The following NIPAL3 variants were observed in gnomAD, a reference collection of about 807,000 sequenced individuals.
The protein encoded by NIPAL3 is NIPA like domain containing 3.
Under a neutral mutation model 47.2 loss-of-function variants are expected in NIPAL3, and 41 were observed. That is an observed-to-expected ratio of 0.87 (90% CI 0.68 to 1.13). NIPAL3 has a LOEUF of 1.13. Ranked by LOEUF, NIPAL3 falls within the 50% of genes most tolerant of loss-of-function variation. NIPAL3 has a pLI of 0.00. For synonymous variants in NIPAL3, 194 were observed against 209.6 expected, an observed-to-expected ratio of 0.93 and a Z score of 0.64; for missense variants, 449 against 530.1, an observed-to-expected ratio of 0.85 and a Z score of 1.50.
At chr1:24,436,289 T>C (rs1373400393) in intron 2 of NIPAL3, among the ~76,000 whole-genome samples, 1 of 152,028 alleles carries the variant, frequency 6.6e-6, no homozygotes, top group Non-Finnish European at 1.5e-5. Flanking sequence ...AGGCTTTTCT[T>C]GGGGCTTTTG....
In NIPAL3 at chr1:24,456,116, C is replaced by T. The variant is rs757882756; in HGVS notation, c.638-22C>T. ...CTGCATTTCCCTGAGGCTCCCCATT[C>T]GCCCTTGTCTCCCATCTGCAGGCTC... On this transcript the variant is annotated intron_variant, in intron 7 of 11. Transcript: ENST00000374399. 3.7e-6 allele frequency: 6 copies of T among 1,613,692 alleles called. No individual in the cohort carries two copies. In the African/African-American group the frequency reaches 5.3e-5, roughly 14 times the overall value.
chr1:24,419,664 G>A (rs771551575), intron 2 of NIPAL3, 24 bp downstream of exon 2: 8 of 1,605,526 alleles, frequency 5.0e-6, no homozygotes, highest in South Asian at 2.2e-5. Flanking sequence ...TGGGGTTTGG[G>A]AATTTGTATT....
At position 24,449,372 on chromosome 1, in the gene NIPAL3, C is replaced by A; in HGVS notation, c.395-109C>A. On this transcript the variant is annotated intron_variant, in intron 5 of 11. Coordinates refer to ENST00000374399, the MANE Select transcript of NIPAL3 (RefSeq NM_020448.5). The surrounding 1 kb of genome is among the most constrained non-coding windows in gnomAD (Gnocchi z 4.5). ...GAAAAACCAAAAATACAAACAATAC[C>A]AGGTCATGGTATGTTGCAGGAGAAG... 9.1e-7 allele frequency: 1 copy of A among 1,102,660 alleles called. No individual in the cohort carries two copies. Among genetic ancestry groups the A allele is most frequent in the East Asian group, 2.6e-5 (1 of 37,824 alleles). The allele number at this position is 1,102,660 out of a possible 1,614,324, so 68.3% of individuals were successfully genotyped here. A position where few individuals can be genotyped will look rare whatever the true frequency, so the allele number is the denominator to read the frequency against.
At chr1:24,437,068 G>A (rs1336467186) in intron 2 of NIPAL3, among the ~76,000 whole-genome samples, 2 of 151,972 alleles carry the variant, frequency 1.3e-5, no homozygotes, top group Non-Finnish European at 2.9e-5. Flanking sequence ...TGGATAACAC[G>A]GTGAAACCCA....
intron 2 of NIPAL3, among the ~76,000 whole-genome samples, chr1:24,423,914 G>A (rs1469178219): frequency 6.6e-6 from 1 of 152,124 alleles, no homozygotes; most frequent in Non-Finnish European, 1.5e-5. Context: ...GCTCTGGATT[G>A]GTTAGTTAGC....
chr1:24,438,074 T>C (rs1257876403), intron 2 of NIPAL3, among the ~76,000 whole-genome samples: 2 of 152,110 alleles, frequency 1.3e-5, no homozygotes, highest in Non-Finnish European at 2.9e-5. Flanking sequence ...AGAGGATGCA[T>C]TGCCTTTAAC....
At chr1:24,417,682 C>A (rs922329872) in intron 1 of NIPAL3, among the ~76,000 whole-genome samples, 1 of 152,190 alleles carries the variant, frequency 6.6e-6, no homozygotes, top group Non-Finnish European at 1.5e-5. Flanking sequence ...AAAGTGAAAC[C>A]AAGCCAAATG....
At chr1:24,415,342 G>C (rs1377074376), upstream of NIPAL3, 1 of 152,280 alleles carries the variant, frequency 6.6e-6, no homozygotes, top group Non-Finnish European at 1.5e-5. Flanking sequence ...GCTCTGGGGA[G>C]CGCTGGGTCT....
intron 4 of NIPAL3, among the ~76,000 whole-genome samples, chr1:24,443,424 A>T (rs1645494508): frequency 6.6e-6 from 1 of 152,142 alleles, no homozygotes; most frequent in South Asian, 2.1e-4. Context: ...TTCCTCCTTG[A>T]GTTAAGAGGT....
In NIPAL3 at chr1:24,440,197, C is replaced by T. The variant is rs143586098; in HGVS notation, c.119C>T (p.Ala40Val). Residue 40 changes from alanine (A) to valine (V), a missense_variant, in exon 3 of 12, where the codon GCG becomes GTG. Transcript: ENST00000374399. Reference protein sequence around the residue: ...YKENLIGALLAIFGHLVVSIA... With the variant: ...YKENLIGALLVIFGHLVVSIA... ...GAAAACCTGATTGGCGCCCTCTTGG[C>T]GATCTTCGGGCACCTCGTGGTCAGC... The T allele has an allele frequency of 8.2e-6, 13 of 1,592,812 alleles. No individual in the cohort carries two copies. Among genetic ancestry groups the T allele is most frequent in the African/African-American group, 6.8e-5 (5 of 74,050 alleles).
At chr1:24,430,996 T>G (rs778162624) in intron 2 of NIPAL3, among the ~76,000 whole-genome samples, 2 of 152,250 alleles carry the variant, frequency 1.3e-5, no homozygotes, top group African/African-American at 4.8e-5. Flanking sequence ...AGCAGGAAAT[T>G]TAGCTCATTC....
chr1:24,455,480 G>C (rs1438717753), intron 7 of NIPAL3, among the ~76,000 whole-genome samples: 1 of 152,172 alleles, frequency 6.6e-6, no homozygotes, highest in African/African-American at 2.4e-5. Context: ...TTGCACATAT[G>C]CACAGGGGTG....
intron 6 of NIPAL3, among the ~76,000 whole-genome samples, chr1:24,450,027 G>GA (rs1645863006): frequency 6.6e-6 from 1 of 152,104 alleles, no homozygotes; most frequent in South Asian, 2.1e-4. Flanking sequence ...CTCCTCAAGT[G>GA]CCCCCCAGCA....
rs117120692 is a variant in NIPAL3 at position 24,426,227 on chromosome 1, G to A, written c.93+6587G>A. ...AGACTGCAGCATGGGTAGAGTGACC[G>A]TGGTCCCGGTTTGTGCCTTATGCCT... On this transcript the variant is annotated intron_variant, in intron 2 of 11. Transcript: ENST00000374399. 1.1e-3 allele frequency among the ~76,000 whole-genome samples: 167 copies of A among 152,078 alleles called. No homozygotes were observed. The Middle Eastern group carries it at 0.014, about 12-fold the overall frequency.
chr1:24,472,659 T>C lies in NIPAL3; in HGVS notation c.*3474T>C, dbSNP rs1416541450. 6.6e-6 allele frequency: 1 copy of C among 152,144 alleles called. No homozygotes were observed. Among genetic ancestry groups the C allele is most frequent in the African/African-American group, 2.4e-5 (1 of 41,436 alleles). 9.4% of individuals were successfully genotyped at this position (152,144 alleles called of 1,614,324 possible). A position where few individuals can be genotyped will look rare whatever the true frequency, so the allele number is the denominator to read the frequency against. Reference sequence around the variant, plus strand: ...AAAGAAGGGAGAGCTGACTCTCCATTGCTTTTCTAGTGGAAACCAGCCAGT... The same window carrying C: ...AAAGAAGGGAGAGCTGACTCTCCATCGCTTTTCTAGTGGAAACCAGCCAGT... On this transcript the variant is annotated 3_prime_UTR_variant, in exon 12 of 12. Coordinates refer to ENST00000374399, the MANE Select transcript of NIPAL3 (RefSeq NM_020448.5).
intron 7 of NIPAL3, among the ~76,000 whole-genome samples, chr1:24,453,886 C>T (rs1646062074): frequency 6.6e-6 from 1 of 152,130 alleles, no homozygotes; most frequent in African/African-American, 2.4e-5. Context: ...CCATGCAAAA[C>T]CTATCAGAGC....
In NIPAL3 at chr1:24,449,421, G is replaced by T; in HGVS notation, c.395-60G>T. 4 of 1,577,908 alleles carry T rather than the reference G, an allele frequency of 2.5e-6. No homozygotes were observed. Among genetic ancestry groups the T allele is most frequent in the Non-Finnish European group, 3.5e-6 (4 of 1,153,968 alleles). On this transcript the variant is annotated intron_variant, in intron 5 of 11. Transcript: ENST00000374399. The surrounding 1 kb of genome is among the most constrained non-coding windows in gnomAD (Gnocchi z 4.5). ...AGCCTGTTTTTTCATGGCTGAGAAC[G>T]TGTACTGTATCTTGGGCCTGTTGTT... is the stretch of plus-strand genomic sequence containing the variant.
intron 2 of NIPAL3, among the ~76,000 whole-genome samples, chr1:24,429,862 T>A (rs1644799511): frequency 6.6e-6 from 1 of 152,252 alleles, no homozygotes; most frequent in African/African-American, 2.4e-5. Context: ...AATTTTTTCA[T>A]ACTTCTCTAT....
chr1:24,419,596 A>T lies in NIPAL3; in HGVS notation c.49A>T (p.Thr17Ser). ...AALKLQQLPP[T>S]SSSSAVSEAS... ...CCTGAAGCTGCAGCAGCTGCCTCCC[A>T]CAAGTAGCTCCAGCGCCGTAAGCGA... is the stretch of plus-strand genomic sequence containing the variant. Residue 17 changes from threonine (T) to serine (S), a missense_variant, in exon 2 of 12, where the codon ACA becomes TCA. Thr to Ser is a moderately conservative substitution (Grantham distance 58). Transcript: ENST00000374399. 1 of 1,614,112 alleles carries T rather than the reference A, an allele frequency of 6.2e-7. No individual in the cohort carries two copies. The highest frequency in any genetic ancestry group is 8.5e-7 in the Non-Finnish European group (1 of 1,179,992).
Sources: allele counts gnomAD v4.1 joint callset (sites outside exome capture counted in the v4.1 genomes callset), GRCh38; gene constraint gnomAD v4.1.1; non-coding constraint Gnocchi (gnomAD v3.1); transcripts MANE v1.5; gene names NCBI Gene and HGNC (gene_info 2026-07-23, HGNC 2026-07-21).